The following FLNC variants were observed in gnomAD, a reference collection of about 807,000 sequenced individuals.
FLNC encodes filamin C, also known as filamin-C.
In FLNC, 91 loss-of-function variants were observed where a neutral mutation model predicts 254.3. The ratio of observed to expected loss-of-function variants is 0.36; its 90% CI spans 0.30 to 0.43. The LOEUF (loss-of-function observed/expected upper bound fraction) is 0.43. FLNC is among the 20% of genes least tolerant of loss of function. FLNC has a pLI of 1.00. For missense variants in FLNC, 2,853 were observed against 3,802.6 expected (o/e 0.75, Z 6.57); for synonymous variants, 1,430 against 1,577.2 (o/e 0.91, Z 2.21).
chr7:128,833,709 G>A (rs1159466191), intron 1 of FLNC, among the ~76,000 whole-genome samples: 1 of 152,250 alleles, frequency 6.6e-6, no homozygotes, highest in Non-Finnish European at 1.5e-5. Context: ...GAGCTTTGGA[G>A]GCTGTCGGGG....
Position 128,845,937 on chromosome 7 carries a change from T to C in FLNC, c.3791-53T>C, listed in dbSNP as rs545048715. 4.0e-5 allele frequency: 61 copies of C among 1,529,258 alleles called. 2 individuals are homozygous for C. In the South Asian group the frequency reaches 6.5e-4, roughly 16 times the overall value. 94.7% of individuals were successfully genotyped at this position (1,529,258 alleles called of 1,614,324 possible). A position where few individuals can be genotyped will look rare whatever the true frequency, so the allele number is the denominator to read the frequency against. ...AAGGAGGGGGAGAGGAGAGGGAGCA[T>C]CTGTGTGAAGGCTGCCCCCACCCCT... On this transcript the variant is annotated intron_variant, in intron 21 of 47. Transcript: ENST00000325888.
Position 128,842,832 on chromosome 7 carries a change from G to T in FLNC, c.2428G>T (p.Val810Leu). The change falls in exon 16 of 48, where the codon GTG becomes TTG. Residue 810 changes from valine (V) to leucine (L), a missense_variant. Physicochemically the swap from Val to Leu is conservative, Grantham distance 32. Transcript: ENST00000325888. This position sits in a 1 kb window ranked among gnomAD's most constrained non-coding sequence, Gnocchi z 5.4. The part of the protein sequence containing the change: ...SIGIKCAPGV[V>L]GPAEADIDFD... The stretch of plus-strand genomic sequence containing the variant: ...CGGCATCAAGTGCGCCCCAGGCGTG[G>T]TGGGCCCTGCAGAGGCTGACATTGA... The T allele has an allele frequency of 6.2e-7, 1 of 1,613,922 alleles. No homozygotes were observed. The highest frequency in any genetic ancestry group is 8.5e-7 in the Non-Finnish European group (1 of 1,180,032).
At chr7:128,853,948 T>C (rs376919075) in intron 39 of FLNC, 26 bp from the exon 40 acceptor site, 33 of 1,613,136 alleles carry the variant, frequency 2.0e-5, no homozygotes, top group African/African-American at 2.7e-5. Context: ...CTTCCCTCCC[T>C]CACCCTGGCT....
rs770279820 is a variant in FLNC, at chr7:128,838,261, C to T, written c.1048-6C>T. On this transcript the variant is annotated splice_polypyrimidine_tract_variant and splice_region_variant and intron_variant, in intron 6 of 47. Coordinates refer to ENST00000325888, the MANE Select transcript of FLNC (RefSeq NM_001458.5). ...TAGAAGCTAACCTTTGACCTCTGACCCCTAGGTGACCGTGCTCTTTGCTGG... is the reference window on the plus strand; with the variant it reads ...TAGAAGCTAACCTTTGACCTCTGACTCCTAGGTGACCGTGCTCTTTGCTGG... 2 of 1,613,590 alleles carry T rather than the reference C, an allele frequency of 1.2e-6. No homozygotes were observed. Among genetic ancestry groups the T allele is most frequent in the Admixed American group, 3.3e-5 (2 of 60,006 alleles).
rs200215340 is a variant in FLNC, at chr7:128,842,605, C to T, written c.2296C>T (p.Arg766Trp). 569 of 1,549,688 alleles carry T rather than the reference C, an allele frequency of 3.7e-4. No homozygotes were observed. The highest frequency in any genetic ancestry group is 4.6e-4 in the Non-Finnish European group (531 of 1,146,936). ...VNVGEGSHPERVKVYGPGVEK... is the reference protein window; with the variant it reads ...VNVGEGSHPEWVKVYGPGVEK... ...CGTGGGCGAGGGCAGCCACCCCGAG[C>T]GGGTAAAGGTGTACGGCCCCGGAGT... is the stretch of plus-strand genomic sequence containing the variant. Residue 766 changes from arginine to tryptophan, a missense_variant, in exon 15 of 48, where the codon CGG (arginine) becomes TGG (tryptophan). Physicochemically the swap from Arg to Trp is moderately radical, Grantham distance 101 (BLOSUM62 -3). Around this residue, in one of 10 missense-constraint regions of FLNC, gnomAD observed 1,573 missense variants for 1,883.5 expected, o/e 0.84. Transcript: ENST00000325888. This position sits in a 1 kb window ranked among gnomAD's most constrained non-coding sequence, Gnocchi z 5.4.
At chr7:128,846,567 C>T in intron 23 of FLNC, 104 bp downstream of exon 23, 1 of 1,478,502 alleles carries the variant, frequency 6.8e-7, no homozygotes, top group Admixed American at 1.7e-5. Context: ...CCCATCCTCT[C>T]TCAGGGGTGA....
chr7:128,848,439 C>T, intron 26 of FLNC, 122 bp from the exon 27 acceptor site: 1 of 1,088,998 alleles, frequency 9.2e-7, no homozygotes. Context: ...GTCCCTCCTC[C>T]CTGCCCCACA....
intron 9 of FLNC, among the ~76,000 whole-genome samples, 165 bp from the exon 10 acceptor site, chr7:128,840,383 T>C (rs1169179777): frequency 6.6e-6 from 1 of 152,216 alleles, no homozygotes; most frequent in Non-Finnish European, 1.5e-5. Flanking sequence ...CGGGGTGTTA[T>C]GCACAGGGAT....
Position 128,857,101 on chromosome 7 carries a change from C to T in FLNC, c.7562-17C>T, listed in dbSNP as rs571573294. On this transcript the variant is annotated splice_polypyrimidine_tract_variant and intron_variant, in intron 45 of 47. Coordinates refer to ENST00000325888, the MANE Select transcript of FLNC (RefSeq NM_001458.5). This position sits in a 1 kb window ranked among gnomAD's most constrained non-coding sequence, Gnocchi z 4.5. ...CAAGCCCTTCCTGCCCTCAGCCTTG[C>T]TACCTCTGGCCCCCAGGTGTGTCAT... 23 of 1,612,492 alleles carry T rather than the reference C, an allele frequency of 1.4e-5. No homozygotes were observed. The Admixed American group carries it at 1.7e-4, about 12-fold the overall frequency.
Position 128,842,551 on chromosome 7 carries a change from G to A in FLNC, c.2266-24G>A, listed in dbSNP as rs1808378388. The A allele has an allele frequency of 3.2e-6, 5 of 1,548,376 alleles. No individual in the cohort carries two copies. Among genetic ancestry groups the A allele is most frequent in the African/African-American group, 2.7e-5 (2 of 73,004 alleles). ...GATGAGCCTTGAGGGAGGGCACCAC[G>A]CTGAGCTGCGACCCCTCCCGCAGGT... On this transcript the variant is annotated intron_variant, in intron 14 of 47. Transcript: ENST00000325888. The surrounding 1 kb of genome is among the most constrained non-coding windows in gnomAD (Gnocchi z 5.4).
Position 128,846,342 on chromosome 7 carries a change from C to T in FLNC, c.4006C>T (p.Pro1336Ser). Residue 1336 changes from proline to serine, a missense_variant, in exon 23 of 48, where the codon CCC (proline) becomes TCC (serine). Pro to Ser is a moderately conservative substitution (Grantham distance 74). This residue lies in a region of FLNC where 1,573 missense variants were observed against 1,883.5 expected (regional missense o/e 0.84). Coordinates refer to ENST00000325888, the MANE Select transcript of FLNC (RefSeq NM_001458.5). Reference sequence around the variant, plus strand: ...GGTCCTGTATGATGAGGTCGCTGTGCCCAAGAGCCCCTTCCGAGTGGGCGT... The same window carrying T: ...GGTCCTGTATGATGAGGTCGCTGTGTCCAAGAGCCCCTTCCGAGTGGGCGT... The part of the protein sequence containing the change: ...VEVLYDEVAV[P>S]KSPFRVGVTE... The T allele has an allele frequency of 6.2e-7, 1 of 1,613,718 alleles. No homozygotes were observed. Among genetic ancestry groups the T allele is most frequent in the Non-Finnish European group, 8.5e-7 (1 of 1,180,008 alleles).
chr7:128,830,628 CCG>C lies in FLNC; in HGVS notation c.-6_-5del. 2 of 1,611,762 alleles carry C rather than the reference CCG, an allele frequency of 1.2e-6. No homozygotes were observed. Among genetic ancestry groups the C allele is most frequent in the Non-Finnish European group, 1.7e-6 (2 of 1,179,456 alleles). On this transcript the variant is annotated 5_prime_UTR_variant, in exon 1 of 48. Coordinates refer to ENST00000325888, the MANE Select transcript of FLNC (RefSeq NM_001458.5). ...CCCTAGCCCCGGCCGCACCCCCAGC[CCG>C]CGCCAGCATGATGAACAACAGCGGC... is the stretch of plus-strand genomic sequence containing the variant.
rs768896980 is a variant in FLNC at position 128,856,771 on chromosome 7, C to A, written c.7411C>A (p.His2471Asn). ...SDKHTIRFIP[H>N]ENGVHSIDVK... ...CAAGCACACCATCCGCTTCATCCCCCACGAGAATGGCGTCCACTCCATCGA... is the reference window on the plus strand; with the variant it reads ...CAAGCACACCATCCGCTTCATCCCCAACGAGAATGGCGTCCACTCCATCGA... Residue 2471 changes from histidine to asparagine, a missense_variant, in exon 45 of 48, where the codon CAC becomes AAC. Around this residue, in one of 10 missense-constraint regions of FLNC, gnomAD observed 197 missense variants for 351.5 expected, o/e 0.56. Coordinates refer to ENST00000325888, the MANE Select transcript of FLNC (RefSeq NM_001458.5). The surrounding 1 kb of genome is among the most constrained non-coding windows in gnomAD (Gnocchi z 5.9). 3 of 1,614,220 alleles carry A rather than the reference C, an allele frequency of 1.9e-6. No homozygotes were observed. Among genetic ancestry groups the A allele is most frequent in the Non-Finnish European group, 1.7e-6 (2 of 1,180,038 alleles).
rs1183819162 is a variant in FLNC, at chr7:128,847,737, T to G, written c.4329T>G (p.Pro1443=). The change falls in exon 25 of 48, where the codon CCT becomes CCG. Residue 1443 remains proline, a synonymous_variant. Transcript: ENST00000325888. ...FRVPVKDVVD[P]GKVKCSGPGL... The stretch of plus-strand genomic sequence containing the variant: ...TGCCAGTGAAGGATGTGGTGGACCC[T>G]GGGAAGGTGAAGTGCTCAGGGCCAG... 6 of 1,613,976 alleles carry G rather than the reference T, an allele frequency of 3.7e-6. No individual in the cohort carries two copies. The highest frequency in any genetic ancestry group is 4.2e-6 in the Non-Finnish European group (5 of 1,179,994).
At chr7:128,855,134 G>A (rs1809001090) in intron 42 of FLNC, 65 bp from the exon 43 acceptor site, 7 of 1,220,726 alleles carry the variant, frequency 5.7e-6, no homozygotes. Flanking sequence ...TAAGGCCAGG[G>A]TGGGGAGGCT....
chr7:128,850,796 C>A lies in FLNC; in HGVS notation c.5399-7C>A, dbSNP rs764300892. 6.2e-7 allele frequency: 1 copy of A among 1,613,686 alleles called. No individual in the cohort carries two copies. Among genetic ancestry groups the A allele is most frequent in the Non-Finnish European group, 8.5e-7 (1 of 1,180,010 alleles). On this transcript the variant is annotated splice_polypyrimidine_tract_variant and splice_region_variant and intron_variant, in intron 32 of 47. Coordinates refer to ENST00000325888, the MANE Select transcript of FLNC (RefSeq NM_001458.5). ...AGGGTCTCCACGTAACTGTGTCTGC[C>A]CTGCAGGAGAGGTGCGGATGCCCTC...
intron 9 of FLNC, 102 bp from the exon 10 acceptor site, chr7:128,840,446 C>G (rs560313620): frequency 1.3e-6 from 2 of 1,530,066 alleles, no homozygotes; most frequent in African/African-American, 2.7e-5. Flanking sequence ...GCACTGCCCT[C>G]GGGCTGGGTC....
In FLNC at chr7:128,835,839, G is replaced by A. The variant is rs995996477; in HGVS notation, c.601+265G>A. 6.6e-6 allele frequency among the ~76,000 whole-genome samples: 1 copy of A among 152,198 alleles called. No individual in the cohort carries two copies. Among genetic ancestry groups the A allele is most frequent in the African/African-American group, 2.4e-5 (1 of 41,446 alleles). ...ACAAGGACACTATGGCCCAGAGAGG[G>A]CTGGTGACTTATCCAAGATCACACA... On this transcript the variant is annotated intron_variant, in intron 2 of 47. Transcript: ENST00000325888. The surrounding 1 kb of genome is among the most constrained non-coding windows in gnomAD (Gnocchi z 5.3).
intron 40 of FLNC, 71 bp downstream of exon 40, chr7:128,854,287 G>A: frequency 6.2e-7 from 1 of 1,605,864 alleles, no homozygotes; most frequent in Middle Eastern, 1.7e-4. Flanking sequence ...CAGGCTTGAT[G>A]CTGGCAGACT....
Sources: allele counts gnomAD v4.1 joint callset (sites outside exome capture counted in the v4.1 genomes callset), GRCh38; gene constraint gnomAD v4.1.1; regional missense constraint gnomAD v4.1.1; non-coding constraint Gnocchi (gnomAD v3.1); transcripts MANE v1.5; gene names NCBI Gene and HGNC (gene_info 2026-07-23, HGNC 2026-07-21).